The following CFAP299 variants were observed in gnomAD, a reference collection of about 807,000 sequenced individuals.
CFAP299 encodes the protein cilia and flagella associated protein 299.
In CFAP299, 21 loss-of-function variants were observed where a neutral mutation model predicts 27.0. That is an observed-to-expected ratio of 0.78 (90% CI 0.55 to 1.12). The LOEUF is 1.12. Ranked by LOEUF, CFAP299 falls within the 50% of genes most tolerant of loss-of-function variation. The pLI, the probability that CFAP299 is intolerant of heterozygous loss-of-function variation, is 0.00. For synonymous variants in CFAP299, 104 were observed against 98.1 expected (o/e 1.06, Z -0.36); for missense variants, 310 against 276.6 (o/e 1.12, Z -0.86).
intron 2 of CFAP299, among the ~76,000 whole-genome samples, chr4:80,376,184 CT>C (rs1724400514): frequency 1.3e-5 from 2 of 152,054 alleles, no homozygotes; most frequent in South Asian, 2.1e-4. Context: ...ATTATGTTGT[CT>C]TTTTTTCACT....
chr4:80,836,073 C>T (rs552333144), intron 3 of CFAP299, among the ~76,000 whole-genome samples: 2 of 152,214 alleles, frequency 1.3e-5, no homozygotes, highest in South Asian at 4.1e-4. Context: ...TTCTGTATCT[C>T]AATTACTAGG....
At chr4:80,492,567 G>A (rs540868699) in intron 2 of CFAP299, among the ~76,000 whole-genome samples, 1 of 152,140 alleles carries the variant, frequency 6.6e-6, no homozygotes, top group African/African-American at 2.4e-5. Context: ...TCAGAGAAAT[G>A]CAACTTGGTA....
intron 2 of CFAP299, among the ~76,000 whole-genome samples, chr4:80,541,705 C>G (rs757774802): frequency 5.3e-5 from 8 of 152,062 alleles, no homozygotes; most frequent in South Asian, 2.1e-4. Flanking sequence ...CAGAGTTCAG[C>G]AAGATATTCT....
intron 3 of CFAP299, among the ~76,000 whole-genome samples, chr4:80,866,886 A>G (rs1454097952): frequency 6.6e-5 from 10 of 152,212 alleles, no homozygotes; most frequent in Admixed American, 6.5e-4. Context: ...GGCCAAATGT[A>G]TATAATTTTA....
chr4:80,601,869 A>T (rs1049473140), intron 3 of CFAP299, among the ~76,000 whole-genome samples: 2 of 152,248 alleles, frequency 1.3e-5, no homozygotes, highest in African/African-American at 4.8e-5. Context: ...AAAATGTGGT[A>T]TATATACACC....
rs562770374 is a variant in CFAP299 at position 80,483,530 on chromosome 4, G to T, written c.243-99563G>T. ...TTATAACCATTATATCCATAATCTT[G>T]TATAATGTGGGTTTAAAGCAAGACT... On this transcript the variant is annotated intron_variant, in intron 2 of 5. Coordinates refer to ENST00000358105, the MANE Select transcript of CFAP299 (RefSeq NM_152770.3). 5.5e-4 allele frequency among the ~76,000 whole-genome samples: 84 copies of T among 151,800 alleles called. 1 individual carries two copies.
chr4:80,504,505 A>ATATTTT (rs1483255216), intron 2 of CFAP299, among the ~76,000 whole-genome samples: 10 of 110,176 alleles, frequency 9.1e-5, no homozygotes, highest in Non-Finnish European at 1.7e-4. Context: ...ATATATATAT[A>ATATTTT]TTTTCCTTTG....
At chr4:80,799,251 A>C (rs1330694367) in intron 3 of CFAP299, among the ~76,000 whole-genome samples, 1 of 113,078 alleles carries the variant, frequency 8.8e-6, no homozygotes, top group Non-Finnish European at 1.7e-5. Flanking sequence ...TATATATTGT[A>C]TAAATATATT....
chr4:80,534,246 AT>A (rs1304742429), intron 2 of CFAP299, among the ~76,000 whole-genome samples: 2 of 151,710 alleles, frequency 1.3e-5, no homozygotes, highest in African/African-American at 4.8e-5. Context: ...GAGCAACAAA[AT>A]ATTTTTAAAG....
At chr4:80,513,120 C>T (rs1445995755) in intron 2 of CFAP299, among the ~76,000 whole-genome samples, 3 of 152,110 alleles carry the variant, frequency 2.0e-5, no homozygotes, top group Admixed American at 2.0e-4. Context: ...TAGATAGCCC[C>T]AGTTTGTCAG....
intron 3 of CFAP299, among the ~76,000 whole-genome samples, chr4:80,771,092 A>G (rs1428414638): frequency 6.6e-6 from 1 of 152,110 alleles, no homozygotes; most frequent in African/African-American, 2.4e-5. Context: ...AGGCATGCGT[A>G]ACAGGGAGTG....
chr4:80,612,067 C>T (rs1476204208), intron 3 of CFAP299, among the ~76,000 whole-genome samples: 1 of 148,642 alleles, frequency 6.7e-6, no homozygotes, highest in Non-Finnish European at 1.5e-5. Flanking sequence ...CTTATAGGGA[C>T]AGTATGTGCC....
At chr4:80,390,754 CACAT>C (rs1725369555) in intron 2 of CFAP299, among the ~76,000 whole-genome samples, 1 of 116,956 alleles carries the variant, frequency 8.6e-6, no homozygotes, top group African/African-American at 4.5e-5. Context: ...TATATATACA[CACAT>C]ATGTATATAT....
intron 3 of CFAP299, among the ~76,000 whole-genome samples, chr4:80,830,600 G>A (rs547676443): frequency 2.7e-4 from 41 of 152,132 alleles, no homozygotes; most frequent in African/African-American, 7.5e-4. Flanking sequence ...ATGTTAGGAA[G>A]GCCAAACTAT....
intron 2 of CFAP299, among the ~76,000 whole-genome samples, chr4:80,478,961 A>C (rs925756344): frequency 3.9e-5 from 6 of 152,012 alleles, no homozygotes; most frequent in African/African-American, 1.4e-4. Context: ...GATTAGACTG[A>C]TAAGGCTAGT....
chr4:80,328,513 G>T, the CFAP299 span, among the ~76,000 whole-genome samples: 1 of 151,602 alleles, frequency 6.6e-6, no homozygotes, highest in African/African-American at 2.4e-5. Flanking sequence ...GTAGGTAGGG[G>T]TGGGGGTGGA....
intron 2 of CFAP299, chr4:80,387,220 C>A: frequency 2.1e-6 from 3 of 1,445,298 alleles, no homozygotes; most frequent in Non-Finnish European, 2.9e-6. Context: ...GGTCGTACAT[C>A]GGGGGTAAGT....
upstream of CFAP299, among the ~76,000 whole-genome samples, chr4:80,333,610 A>G (rs79003148): frequency 0.012 from 1,773 of 152,264 alleles, 36 homozygotes; most frequent in African/African-American, 0.039. Flanking sequence ...TTTTTAATAT[A>G]CTTCCACCAA....
chr4:80,940,334 A>G (rs1380438700), intron 4 of CFAP299, among the ~76,000 whole-genome samples: 1 of 152,140 alleles, frequency 6.6e-6, no homozygotes, highest in Non-Finnish European at 1.5e-5. Flanking sequence ...CCTCTTGGGT[A>G]CCATTCCATA....
Sources: allele counts gnomAD v4.1 joint callset (sites outside exome capture counted in the v4.1 genomes callset), GRCh38; gene constraint gnomAD v4.1.1; transcripts MANE v1.5; gene names NCBI Gene and HGNC (gene_info 2026-07-23, HGNC 2026-07-21).